UHRF2: variants seen among roughly 807,000 people sequenced by gnomAD.
UHRF2 encodes ubiquitin like with PHD and ring finger domains 2.
In UHRF2, 23 loss-of-function variants were observed where a neutral mutation model predicts 96.8. That is an observed-to-expected ratio of 0.24 (90% CI 0.17 to 0.34). The LOEUF is 0.34. UHRF2 is among the 10% of genes least tolerant of loss of function. The probability of loss-of-function intolerance (pLI) is 1.00; values close to 1 mark genes in which losing one functional copy is unlikely to be tolerated. For synonymous variants in UHRF2, 385 were observed against 332.6 expected (o/e 1.16, Z -1.72); for missense variants, 685 against 981.5 (o/e 0.70, Z 4.04).
At chr9:6,452,549 G>T (rs1046569640) in intron 3 of UHRF2, among the ~76,000 whole-genome samples, 4 of 152,178 alleles carry the variant, frequency 2.6e-5, no homozygotes, top group Non-Finnish European at 5.9e-5. Flanking sequence ...TCCTAAAGAT[G>T]GGGAAGTGTG....
chr9:6,494,734 G>A (rs909481852), intron 10 of UHRF2: 3 of 152,126 alleles, frequency 2.0e-5, no homozygotes, highest in African/African-American at 7.2e-5. Flanking sequence ...TTTGTCGATT[G>A]AGTAAAAGTG....
intron 5 of UHRF2, among the ~76,000 whole-genome samples, chr9:6,476,824 A>G (rs1823602048): frequency 6.6e-6 from 1 of 152,094 alleles, no homozygotes; most frequent in African/African-American, 2.4e-5. Context: ...CGAACTCCTG[A>G]GCTCGTGATC....
At chr9:6,504,351 T>A (rs946505351) in intron 14 of UHRF2, 2 of 299,428 alleles carry the variant, frequency 6.7e-6, no homozygotes, top group Non-Finnish European at 1.3e-5. Flanking sequence ...TAAATGTGAC[T>A]GAAACATTTT....
At chr9:6,413,746 T>C in intron 1 of UHRF2, 103 bp downstream of exon 1, 1 of 1,279,374 alleles carries the variant, frequency 7.8e-7, no homozygotes, top group East Asian at 3.2e-5. Context: ...CGCGCAGGGC[T>C]CACCTGGCTC....
intron 4 of UHRF2, among the ~76,000 whole-genome samples, chr9:6,462,696 A>T (rs1252211692): frequency 6.6e-6 from 1 of 152,012 alleles, no homozygotes; most frequent in Non-Finnish European, 1.5e-5. Flanking sequence ...AGGTGGGCGG[A>T]TCATGAGGTC....
chr9:6,488,875 C>T (rs1824480976), intron 9 of UHRF2, among the ~76,000 whole-genome samples: 1 of 151,342 alleles, frequency 6.6e-6, no homozygotes, highest in African/African-American at 2.4e-5. Flanking sequence ...GGCAGTGATG[C>T]GATTTCGGCT....
Position 6,506,530 on chromosome 9 carries a change from A to G in UHRF2, c.*351A>G, listed in dbSNP as rs1467950351. 1.2e-5 allele frequency: 2 copies of G among 167,052 alleles called. No homozygotes were observed. The highest frequency in any genetic ancestry group is 4.8e-5 in the African/African-American group (2 of 41,936). The allele number at this position is 167,052 out of a possible 1,614,324, so 10.3% of individuals were successfully genotyped here. A position where few individuals can be genotyped will look rare whatever the true frequency, so the allele number is the denominator to read the frequency against. ...TAACTAGTTAAATGAAATTTTAGCT[A>G]CACACTGCCTCCCAAATATTAGTTG... is the stretch of plus-strand genomic sequence containing the variant. On this transcript the variant is annotated 3_prime_UTR_variant, in exon 16 of 16. Transcript: ENST00000276893.
intron 3 of UHRF2, among the ~76,000 whole-genome samples, chr9:6,459,544 C>T (rs191334260): frequency 2.9e-4 from 44 of 152,314 alleles, no homozygotes; most frequent in African/African-American, 1.0e-3. Flanking sequence ...TGGCACATGC[C>T]TGTAATCCCA....
intron 15 of UHRF2, 130 bp from the exon 16 acceptor site, chr9:6,505,903 G>A (rs547615987): frequency 8.3e-5 from 77 of 932,244 alleles, no homozygotes; most frequent in Admixed American, 2.8e-4. Context: ...GCAGATTCAA[G>A]CCTTTATGTT....
At chr9:6,477,169 GC>G (rs1823626313) in intron 5 of UHRF2, among the ~76,000 whole-genome samples, 1 of 152,024 alleles carries the variant, frequency 6.6e-6, no homozygotes, top group Non-Finnish European at 1.5e-5. Context: ...GGAGGCAGGG[GC>G]TGCAGTGAGC....
intron 9 of UHRF2, among the ~76,000 whole-genome samples, chr9:6,487,730 G>T (rs967113247): frequency 1.3e-5 from 2 of 152,200 alleles, no homozygotes; most frequent in Non-Finnish European, 2.9e-5. Context: ...TCAAACTCCT[G>T]ACCTCAGATG....
At chr9:6,439,490 G>A (rs1821034107) in intron 3 of UHRF2, among the ~76,000 whole-genome samples, 1 of 152,154 alleles carries the variant, frequency 6.6e-6, no homozygotes. Flanking sequence ...CAGCCTTAAG[G>A]CCTACGTTAA....
intron 4 of UHRF2, among the ~76,000 whole-genome samples, chr9:6,471,477 T>C (rs1823235887): frequency 6.6e-6 from 1 of 152,166 alleles, no homozygotes; most frequent in Admixed American, 6.5e-5. Flanking sequence ...TAAGTGATGC[T>C]GTACCACTTC....
chr9:6,482,139 G>A lies in UHRF2; in HGVS notation c.1392+40G>A, dbSNP rs745919224. The A allele has an allele frequency of 3.3e-6, 5 of 1,504,638 alleles. No homozygotes were observed. The South Asian group carries it at 3.4e-5, about 10-fold the overall frequency. 93.2% of individuals were successfully genotyped at this position (1,504,638 alleles called of 1,614,324 possible). ...GGGCTTAGTTGAAAGGGGAGAATTGGCTATCAGATTATAGCAATGTTAATG... is the reference window on the plus strand; with the variant it reads ...GGGCTTAGTTGAAAGGGGAGAATTGACTATCAGATTATAGCAATGTTAATG... On this transcript the variant is annotated intron_variant, in intron 8 of 15. Coordinates refer to ENST00000276893, the MANE Select transcript of UHRF2 (RefSeq NM_152896.3).
chr9:6,447,432 A>G (rs1016484293), intron 3 of UHRF2, among the ~76,000 whole-genome samples: 1 of 152,178 alleles, frequency 6.6e-6, no homozygotes, highest in Non-Finnish European at 1.5e-5. Flanking sequence ...GGAAATATGC[A>G]TACCTAGCTT....
intron 9 of UHRF2, 31 bp downstream of exon 9, chr9:6,486,956 A>G (rs755600666): frequency 1.3e-6 from 2 of 1,593,578 alleles, no homozygotes; most frequent in Admixed American, 3.4e-5. Flanking sequence ...ACTCATTAGT[A>G]CCTGCCTTGA....
chr9:6,428,652 C>T lies in UHRF2; in HGVS notation c.385-5262C>T, dbSNP rs142995711. On this transcript the variant is annotated intron_variant, in intron 2 of 15. Transcript: ENST00000276893. ...GCAGCCCCAACCTTCTGGGCTTAAG[C>T]GATCCTGCTGCCTCAGCTTCCTGAG... 5.1e-3 allele frequency among the ~76,000 whole-genome samples: 760 copies of T among 148,064 alleles called. 3 individuals are homozygous for T. Among genetic ancestry groups the T allele is most frequent in the African/African-American group, 0.018 (704 of 39,866 alleles).
intron 3 of UHRF2, among the ~76,000 whole-genome samples, chr9:6,448,495 C>T (rs899330634): frequency 6.6e-6 from 1 of 152,130 alleles, no homozygotes; most frequent in Non-Finnish European, 1.5e-5. Context: ...TTTTTATTAC[C>T]GTCCAAATAA....
rs939657475 is a variant in UHRF2 at position 6,467,602 on chromosome 9, T to G, written c.863+6811T>G. Among the ~76,000 whole-genome samples, 8 of 150,406 alleles carry G rather than the reference T, an allele frequency of 5.3e-5. 1 individual carries two copies. The highest frequency in any genetic ancestry group is 1.3e-4 in the Admixed American group (2 of 15,154). ...ATAGATTCCGAGAGAATAGTTTTTT[T>G]TTTTTTTTTTTTTTTGGTATTTTAA... On this transcript the variant is annotated intron_variant, in intron 4 of 15. Coordinates refer to ENST00000276893, the MANE Select transcript of UHRF2 (RefSeq NM_152896.3).
Sources: gnomAD v4.1 joint callset for allele counts (sites outside exome capture counted in the v4.1 genomes callset) on GRCh38, gnomAD v4.1.1 for gene constraint, MANE v1.5 for transcripts, NCBI Gene and HGNC (gene_info 2026-07-23, HGNC 2026-07-21) for gene names.